ADGB: variants seen among roughly 807,000 people sequenced by gnomAD.
The protein encoded by ADGB is calpain-7-like protein.
In ADGB, 172 loss-of-function variants were observed where a neutral mutation model predicts 210.5. The observed-to-expected ratio is 0.82, with a 90% CI of 0.72 to 0.93. The LOEUF (loss-of-function observed/expected upper bound fraction) is 0.93, where lower values mean the gene tolerates loss of function less well. Ranked by LOEUF, ADGB falls within the 40% of genes least tolerant of loss-of-function variation. The probability of loss-of-function intolerance (pLI) is 0.00; values close to 1 mark genes in which losing one functional copy is unlikely to be tolerated. For missense variants in ADGB, 2,025 were observed against 1,964.8 expected, an observed-to-expected ratio of 1.03 and a Z score of -0.58; for synonymous variants, 658 against 662.7, an observed-to-expected ratio of 0.99 and a Z score of 0.11.
intron 2 of ADGB, 56 bp from the exon 3 acceptor site, chr6:146,644,714 ATTG>A (rs1775580652): frequency 3.8e-6 from 4 of 1,062,724 alleles, no homozygotes. Context: ...TTTTATTAAA[ATTG>A]TTTTTTTATT....
At chr6:146,814,027 C>G (rs1343349616) in intron 35 of ADGB, among the ~76,000 whole-genome samples, 2 of 152,110 alleles carry the variant, frequency 1.3e-5, no homozygotes, top group Non-Finnish European at 2.9e-5. Flanking sequence ...CCTGCTCATT[C>G]TCTTGCTCTC....
At chr6:146,681,486 C>T (rs1199586466) in intron 9 of ADGB, among the ~76,000 whole-genome samples, 1 of 152,072 alleles carries the variant, frequency 6.6e-6, no homozygotes, top group Non-Finnish European at 1.5e-5. Flanking sequence ...CAAGTATGGC[C>T]TAATACAGTC....
intron 13 of ADGB, among the ~76,000 whole-genome samples, chr6:146,710,929 G>C (rs1040350662): frequency 6.6e-6 from 1 of 151,926 alleles, no homozygotes; most frequent in African/African-American, 2.4e-5. Flanking sequence ...TTTCTCCCTC[G>C]GCACCTGTGA....
At chr6:146,738,438 C>CT (rs71031008) in intron 23 of ADGB, among the ~76,000 whole-genome samples, 768 of 71,390 alleles carry the variant, frequency 0.011, 45 homozygotes, top group South Asian at 0.015. Flanking sequence ...CCCATTTCAT[C>CT]TTTTTTTTTT....
At chr6:146,599,659 C>T (rs769961547) in intron 1 of ADGB, among the ~76,000 whole-genome samples, 6 of 152,192 alleles carry the variant, frequency 3.9e-5, no homozygotes, top group Non-Finnish European at 7.3e-5. Flanking sequence ...CTAACATTTA[C>T]TCTGAGAAAG....
chr6:146,760,295 AT>A (rs1448502704), intron 27 of ADGB, among the ~76,000 whole-genome samples: 1 of 151,854 alleles, frequency 6.6e-6, no homozygotes, highest in African/African-American at 2.4e-5. Flanking sequence ...CACTGTTCAC[AT>A]TTCCATCACA....
intron 3 of ADGB, among the ~76,000 whole-genome samples, chr6:146,653,134 A>G (rs1172297304): frequency 2.0e-5 from 3 of 152,014 alleles, no homozygotes; most frequent in African/African-American, 7.2e-5. Flanking sequence ...TCTAGGTTGC[A>G]TGCTCCTTAT....
chr6:146,692,169 G>A (rs773704058), intron 11 of ADGB, among the ~76,000 whole-genome samples: 15 of 152,254 alleles, frequency 9.9e-5, no homozygotes, highest in Non-Finnish European at 1.6e-4. Flanking sequence ...GCTGTGTACA[G>A]TCAAAGAAAA....
At chr6:146,706,147 A>C (rs910120322) in intron 13 of ADGB, among the ~76,000 whole-genome samples, 1 of 151,824 alleles carries the variant, frequency 6.6e-6, no homozygotes, top group African/African-American at 2.4e-5. Context: ...GCTAGTCTCA[A>C]ACTCTTGGCT....
chr6:146,613,018 C>A (rs939929177), intron 1 of ADGB, among the ~76,000 whole-genome samples: 1 of 152,178 alleles, frequency 6.6e-6, no homozygotes, highest in Non-Finnish European at 1.5e-5. Context: ...CAATTTTTCT[C>A]TCTCTTCCGT....
intron 1 of ADGB, among the ~76,000 whole-genome samples, chr6:146,624,312 G>C (rs1472726569): frequency 6.6e-6 from 1 of 151,782 alleles, no homozygotes; most frequent in Non-Finnish European, 1.5e-5. Flanking sequence ...AATATTGTTA[G>C]TTTGCATATT....
chr6:146,813,206 G>T (rs1778327794), intron 35 of ADGB, among the ~76,000 whole-genome samples: 1 of 152,052 alleles, frequency 6.6e-6, no homozygotes, highest in Admixed American at 6.6e-5. Flanking sequence ...CTGAATCCGT[G>T]ACCCTTTGGT....
chr6:146,797,336 C>G (rs1401330048), intron 33 of ADGB, among the ~76,000 whole-genome samples: 1 of 152,118 alleles, frequency 6.6e-6, no homozygotes. Context: ...ATCCAGCAAT[C>G]CCACTACTGG....
intron 5 of ADGB, among the ~76,000 whole-genome samples, chr6:146,661,190 C>T (rs931709633): frequency 6.7e-6 from 1 of 149,814 alleles, no homozygotes; most frequent in African/African-American, 2.4e-5. Context: ...GCTTTCTTTT[C>T]CTTTTTCCTT....
intron 23 of ADGB, among the ~76,000 whole-genome samples, chr6:146,738,763 C>A (rs1777118147): frequency 6.6e-6 from 1 of 152,080 alleles, no homozygotes; most frequent in African/African-American, 2.4e-5. Context: ...CGGCCGAATC[C>A]CATTTCATCT....
chr6:146,686,112 G>A (rs570133224), intron 10 of ADGB, among the ~76,000 whole-genome samples: 37 of 152,050 alleles, frequency 2.4e-4, no homozygotes, highest in African/African-American at 8.9e-4. Flanking sequence ...TAATCAAAAA[G>A]AAAGATACAG....
intron 1 of ADGB, among the ~76,000 whole-genome samples, chr6:146,631,518 AT>A (rs1445955905): frequency 5.3e-5 from 8 of 152,220 alleles, no homozygotes; most frequent in Non-Finnish European, 1.0e-4. Context: ...CTACCTACAT[AT>A]AAAAATTTGA....
chr6:146,700,284 C>T (rs1776472003), intron 12 of ADGB, among the ~76,000 whole-genome samples: 1 of 152,088 alleles, frequency 6.6e-6, no homozygotes. Context: ...TTTGTGCTAC[C>T]CTCTAGTGGC....
At chr6:146,754,090 G>A (rs1040380984) in intron 27 of ADGB, among the ~76,000 whole-genome samples, 2 of 151,104 alleles carry the variant, frequency 1.3e-5, no homozygotes, top group African/African-American at 4.8e-5. Context: ...TAATTTCCAA[G>A]GTTATTTTTT....
Sources: allele counts gnomAD v4.1 joint callset (sites outside exome capture counted in the v4.1 genomes callset), GRCh38; gene constraint gnomAD v4.1.1; transcripts MANE v1.5; gene names NCBI Gene and HGNC (gene_info 2026-07-23, HGNC 2026-07-21).